Variants in PTPRT observed in about 807,000 individuals in gnomAD.
PTPRT encodes the protein protein tyrosine phosphatase receptor type T.
In PTPRT, 56 loss-of-function variants were observed where a neutral mutation model predicts 176.8. The observed-to-expected ratio is 0.32, with a 90% CI of 0.26 to 0.40. The LOEUF (loss-of-function observed/expected upper bound fraction) is 0.40, where lower values mean the gene tolerates loss of function less well. Ranked by LOEUF, PTPRT falls within the 10% of genes least tolerant of loss-of-function variation. The pLI is 1.00. For missense variants in PTPRT, 1,540 were observed against 1,908.2 expected, an observed-to-expected ratio of 0.81 and a Z score of 3.60; for synonymous variants, 783 against 739.0, an observed-to-expected ratio of 1.06 and a Z score of -0.96.
chr20:42,731,823 C>G (rs940421762), intron 6 of PTPRT, among the ~76,000 whole-genome samples: 1 of 152,198 alleles, frequency 6.6e-6, no homozygotes, highest in East Asian at 1.9e-4. Flanking sequence ...TTCAACATGC[C>G]ACACTCATTC....
the PTPRT span, among the ~76,000 whole-genome samples, chr20:42,048,909 C>A: frequency 1.8e-4 from 27 of 152,172 alleles, no homozygotes; most frequent in Non-Finnish European, 2.6e-4. Context: ...GCAACCTCTG[C>A]CTCCCGGGTT....
chr20:43,090,488 T>C (rs1235856450), intron 1 of PTPRT, among the ~76,000 whole-genome samples: 1 of 152,130 alleles, frequency 6.6e-6, no homozygotes, highest in East Asian at 1.9e-4. Context: ...CAGGATGGTC[T>C]TGATATTCTG....
chr20:43,151,354 T>A (rs1349754216), intron 1 of PTPRT, among the ~76,000 whole-genome samples: 1 of 99,984 alleles, frequency 1.0e-5, no homozygotes, highest in African/African-American at 4.0e-5. Context: ...CTCCATGGCA[T>A]AGGAACAGAA....
At chr20:42,633,183 T>A (rs1184422911) in intron 7 of PTPRT, among the ~76,000 whole-genome samples, 2 of 152,252 alleles carry the variant, frequency 1.3e-5, no homozygotes, top group African/African-American at 2.4e-5. Flanking sequence ...AGATCCTCAT[T>A]TCAAAGGCAA....
At chr20:42,211,670 G>C (rs1041083492) in intron 15 of PTPRT, among the ~76,000 whole-genome samples, 18 of 146,326 alleles carry the variant, frequency 1.2e-4, no homozygotes, top group Admixed American at 6.2e-4. Flanking sequence ...AGGATGTGGA[G>C]AAATAGGAAC....
chr20:42,118,734 C>CA (rs1280996489), intron 20 of PTPRT, among the ~76,000 whole-genome samples: 1 of 152,074 alleles, frequency 6.6e-6, no homozygotes, highest in African/African-American at 2.4e-5. Flanking sequence ...TCTGCAGCAT[C>CA]TACTGGAAAT....
At chr20:42,328,908 A>C (rs1383861000) in intron 11 of PTPRT, among the ~76,000 whole-genome samples, 1 of 152,206 alleles carries the variant, frequency 6.6e-6, no homozygotes, top group Non-Finnish European at 1.5e-5. Context: ...AAACCAAGAT[A>C]ATAAAACTTA....
intron 3 of PTPRT, among the ~76,000 whole-genome samples, chr20:42,787,917 G>C (rs2077315384): frequency 6.6e-6 from 1 of 152,054 alleles, no homozygotes; most frequent in Non-Finnish European, 1.5e-5. Context: ...ATAAAATACA[G>C]AAGATATGCC....
At chr20:42,318,673 A>T (rs2057755711) in intron 11 of PTPRT, among the ~76,000 whole-genome samples, 1 of 152,170 alleles carries the variant, frequency 6.6e-6, no homozygotes, top group Admixed American at 6.5e-5. Flanking sequence ...AGTTGGAAAG[A>T]GCTGGGAGTC....
At chr20:42,620,548 C>G (rs141914552) in intron 7 of PTPRT, among the ~76,000 whole-genome samples, 55,005 of 145,220 alleles carry the variant, frequency 0.38, 12,503 homozygotes, top group African/African-American at 0.62. Context: ...GCCTCGTTGT[C>G]GCCTTGCAGT....
intron 15 of PTPRT, among the ~76,000 whole-genome samples, chr20:42,205,082 G>T (rs376859877): frequency 9.1e-5 from 10 of 109,764 alleles, no homozygotes; most frequent in African/African-American, 3.5e-4. Flanking sequence ...GGTGGGGGGA[G>T]GGGGGAGGGA....
intron 1 of PTPRT, among the ~76,000 whole-genome samples, chr20:43,179,339 T>G (rs2015193461): frequency 6.6e-6 from 1 of 152,192 alleles, no homozygotes; most frequent in Admixed American, 6.5e-5. Context: ...TCTATGTTAG[T>G]TTTATGGAGC....
intron 9 of PTPRT, among the ~76,000 whole-genome samples, chr20:42,355,532 G>A (rs925038639): frequency 1.3e-5 from 2 of 152,314 alleles, no homozygotes; most frequent in African/African-American, 2.4e-5. Flanking sequence ...AGAGGGAACC[G>A]CGTAGGCAAA....
chr20:42,233,135 C>G (rs2056170348), intron 15 of PTPRT, among the ~76,000 whole-genome samples: 1 of 152,204 alleles, frequency 6.6e-6, no homozygotes. Context: ...GCCCTCTGTT[C>G]TTGTCCCCTT....
At chr20:42,940,041 G>A (rs974426307) in intron 1 of PTPRT, among the ~76,000 whole-genome samples, 6 of 152,096 alleles carry the variant, frequency 3.9e-5, no homozygotes, top group African/African-American at 1.4e-4. Context: ...ATGGTGCCAG[G>A]CTTTTAATAC....
At chr20:42,363,300 ATTTTT>A (rs879370769) in intron 9 of PTPRT, among the ~76,000 whole-genome samples, 4 of 30,540 alleles carry the variant, frequency 1.3e-4, no homozygotes, top group South Asian at 1.4e-3. Flanking sequence ...ATATATATAT[ATTTTT>A]TTTTTTTTTT....
At chr20:42,614,593 T>C (rs958480845) in intron 7 of PTPRT, among the ~76,000 whole-genome samples, 1 of 152,150 alleles carries the variant, frequency 6.6e-6, no homozygotes, top group African/African-American at 2.4e-5. Flanking sequence ...CATGCTCCTC[T>C]ATTCCCTCAA....
chr20:42,981,938 T>C (rs1379285532), intron 1 of PTPRT, among the ~76,000 whole-genome samples: 2 of 152,150 alleles, frequency 1.3e-5, no homozygotes, highest in Non-Finnish European at 2.9e-5. Context: ...GGTCTCTTTA[T>C]GGGGCGCTCT....
intron 9 of PTPRT, among the ~76,000 whole-genome samples, chr20:42,399,854 C>G (rs557093723): frequency 1.3e-5 from 2 of 152,168 alleles, no homozygotes; most frequent in African/African-American, 4.8e-5. Flanking sequence ...ACTTTTCACC[C>G]GGAAGAATGT....
Sources: allele counts gnomAD v4.1 joint callset (sites outside exome capture counted in the v4.1 genomes callset), GRCh38; gene constraint gnomAD v4.1.1; transcripts MANE v1.5; gene names NCBI Gene and HGNC (gene_info 2026-07-23, HGNC 2026-07-21).